Variants in DLG2 observed in about 807,000 individuals in gnomAD.
DLG2 encodes the protein disks large homolog 2.
DLG2 carries 45 observed loss-of-function variants against 132.5 expected under a neutral mutation model. That is an observed-to-expected ratio of 0.34 (90% confidence interval 0.27 to 0.44). DLG2 has a LOEUF of 0.44. DLG2 is among the 20% of genes least tolerant of loss of function. DLG2 has a pLI of 1.00. For synonymous variants in DLG2, 424 were observed against 419.6 expected (o/e 1.01, Z -0.13); for missense variants, 1,045 against 1,196.9 (o/e 0.87, Z 1.87).
intron 6 of DLG2, among the ~76,000 whole-genome samples, chr11:85,073,185 C>A (rs1449839009): frequency 6.6e-6 from 1 of 151,800 alleles, no homozygotes; most frequent in East Asian, 1.9e-4. Context: ...TACAGACAGA[C>A]CCCTAAACCT....
At chr11:83,802,814 G>T (rs1160564501) in intron 17 of DLG2, among the ~76,000 whole-genome samples, 1 of 152,052 alleles carries the variant, frequency 6.6e-6, no homozygotes, top group African/African-American at 2.4e-5. Context: ...AAGGATGAAT[G>T]ATCTTATAGA....
intron 8 of DLG2, among the ~76,000 whole-genome samples, chr11:84,235,991 T>C (rs1338720155): frequency 6.6e-6 from 1 of 152,090 alleles, no homozygotes; most frequent in Non-Finnish European, 1.5e-5. Flanking sequence ...TACAATGACA[T>C]TGTTCAGATC....
intron 6 of DLG2, among the ~76,000 whole-genome samples, chr11:84,831,552 G>A (rs375365597): frequency 2.4e-4 from 37 of 151,608 alleles, no homozygotes; most frequent in African/African-American, 8.7e-4. Context: ...CAAAACTTAT[G>A]TTCTCTTCAC....
chr11:84,494,956 CTT>C (rs1310922742), intron 7 of DLG2, among the ~76,000 whole-genome samples: 2 of 152,132 alleles, frequency 1.3e-5, no homozygotes, highest in East Asian at 1.9e-4. Flanking sequence ...ACATTTTTCT[CTT>C]ATCACTTTCC....
chr11:84,644,562 C>T (rs368531280), intron 6 of DLG2, among the ~76,000 whole-genome samples: 14 of 151,932 alleles, frequency 9.2e-5, no homozygotes, highest in South Asian at 2.1e-4. Flanking sequence ...AAAAATTAGC[C>T]GGGCGTGGTG....
intron 3 of DLG2, among the ~76,000 whole-genome samples, chr11:85,321,859 A>G (rs1596232738): frequency 6.6e-6 from 1 of 152,070 alleles, no homozygotes; most frequent in East Asian, 1.9e-4. Flanking sequence ...AGAGAGAATT[A>G]GAGGAAAAGA....
intron 3 of DLG2, among the ~76,000 whole-genome samples, chr11:85,367,554 A>T (rs946055826): frequency 6.6e-6 from 1 of 152,152 alleles, no homozygotes; most frequent in African/African-American, 2.4e-5. Context: ...AGAGTGGCTT[A>T]ATCAATATTA....
intron 15 of DLG2, among the ~76,000 whole-genome samples, chr11:83,916,896 T>C (rs1407667151): frequency 6.6e-6 from 1 of 152,146 alleles, no homozygotes. Context: ...AACTGCTATA[T>C]CCGTCACAGA....
chr11:83,598,636 C>T (rs1270618560), intron 19 of DLG2, among the ~76,000 whole-genome samples: 1 of 152,178 alleles, frequency 6.6e-6, no homozygotes, highest in African/African-American at 2.4e-5. Context: ...CCCTTTAATA[C>T]TAGCTACTTA....
At chr11:84,798,137 A>T in intron 6 of DLG2, among the ~76,000 whole-genome samples, 1 of 152,150 alleles carries the variant, frequency 6.6e-6, no homozygotes, top group African/African-American at 2.4e-5. Flanking sequence ...AGAATAGAGC[A>T]CTGTACCTTG....
chr11:85,536,214 CAAAAAAAAAAAAAAA>C, intron 3 of DLG2, among the ~76,000 whole-genome samples: 1 of 57,506 alleles, frequency 1.7e-5, no homozygotes, highest in Non-Finnish European at 3.4e-5. Flanking sequence ...GACCCTGTCT[CAAAAAAAAAAAAAAA>C]AAAAAAAAAG....
intron 18 of DLG2, among the ~76,000 whole-genome samples, chr11:83,765,761 C>T: frequency 6.6e-6 from 1 of 152,088 alleles, no homozygotes; most frequent in East Asian, 1.9e-4. Flanking sequence ...ATAGGAGGCA[C>T]AATATATGTA....
At chr11:85,416,762 G>T (rs1423004315) in intron 3 of DLG2, among the ~76,000 whole-genome samples, 2 of 152,046 alleles carry the variant, frequency 1.3e-5, no homozygotes, top group East Asian at 3.8e-4. Context: ...TTGGTGTGTA[G>T]AAATGCTTGT....
intron 6 of DLG2, among the ~76,000 whole-genome samples, chr11:85,013,910 A>G (rs1209417814): frequency 6.6e-6 from 1 of 152,180 alleles, no homozygotes; most frequent in Non-Finnish European, 1.5e-5. Flanking sequence ...AAATATTAGA[A>G]TGAGTGATTT....
At chr11:83,863,773 G>T (rs969062096) in intron 16 of DLG2, among the ~76,000 whole-genome samples, 7 of 152,136 alleles carry the variant, frequency 4.6e-5, no homozygotes. Context: ...TAATTGCGGA[G>T]CCAGAATTTA....
At chr11:83,614,524 G>A (rs1426611380) in intron 19 of DLG2, among the ~76,000 whole-genome samples, 2 of 152,122 alleles carry the variant, frequency 1.3e-5, no homozygotes, top group Non-Finnish European at 2.9e-5. Flanking sequence ...TTTGCAACCA[G>A]CCTGGGCAAC....
rs1364324425 is a variant in DLG2 at position 83,503,004 on chromosome 11, G to A, written c.2194-18776C>T. On this transcript the variant is annotated intron_variant, in intron 21 of 27. Coordinates refer to ENST00000376104, the MANE Select transcript of DLG2 (RefSeq NM_001142699.3). Reference sequence around the variant, plus strand: ...TGTACCTAATATATTTTGAGCACATGAATAATCCAGGCACTGTGCTAGGAA... The same window carrying A: ...TGTACCTAATATATTTTGAGCACATAAATAATCCAGGCACTGTGCTAGGAA... Among the ~76,000 whole-genome samples the A allele has an allele frequency of 5.3e-5, 8 of 152,040 alleles. No individual in the cohort carries two copies. The East Asian group carries it at 1.5e-3, about 29-fold the overall frequency.
chr11:85,120,681 C>G (rs1327578364), intron 5 of DLG2, among the ~76,000 whole-genome samples: 3 of 151,826 alleles, frequency 2.0e-5, no homozygotes, highest in Non-Finnish European at 4.4e-5. Context: ...GAGAGGTAAG[C>G]TAAAAAAATT....
At chr11:84,623,223 C>T (rs2099616876) in intron 6 of DLG2, among the ~76,000 whole-genome samples, 1 of 152,076 alleles carries the variant, frequency 6.6e-6, no homozygotes, top group Admixed American at 6.5e-5. Context: ...TTTACTTATG[C>T]CATTCCCTCC....
Sources: gnomAD v4.1 joint callset for allele counts (sites outside exome capture counted in the v4.1 genomes callset) on GRCh38, gnomAD v4.1.1 for gene constraint, MANE v1.5 for transcripts, NCBI Gene and HGNC (gene_info 2026-07-23, HGNC 2026-07-21) for gene names.